CERT1: variants seen among roughly 807,000 people sequenced by gnomAD.
The protein encoded by CERT1 is ceramide transporter 1, also known as ceramide transfer protein.
A neutral mutation model predicts 87.9 loss-of-function variants in CERT1; 31 were observed. That is an observed-to-expected ratio of 0.35 (90% CI 0.27 to 0.48). CERT1 has a LOEUF of 0.48. Ranked by LOEUF, CERT1 falls within the 20% of genes least tolerant of loss-of-function variation. The pLI, the probability that CERT1 is intolerant of heterozygous loss-of-function variation, is 0.99. For missense variants in CERT1, 487 were observed against 758.0 expected, an observed-to-expected ratio of 0.64 and a Z score of 4.20; for synonymous variants, 289 against 250.9, an observed-to-expected ratio of 1.15 and a Z score of -1.44.
At chr5:75,502,172 A>G (rs1373146456) in intron 2 of CERT1, among the ~76,000 whole-genome samples, 2 of 152,168 alleles carry the variant, frequency 1.3e-5, no homozygotes, top group African/African-American at 2.4e-5. Flanking sequence ...AAAAGGAAAA[A>G]GAAATAAAAA....
intron 2 of CERT1, among the ~76,000 whole-genome samples, chr5:75,476,041 A>G (rs984259661): frequency 6.6e-6 from 1 of 152,186 alleles, no homozygotes; most frequent in Admixed American, 6.5e-5. Context: ...TCAATAAAAA[A>G]TCAAGTTTTA....
intron 13 of CERT1, 124 bp from the exon 14 acceptor site, chr5:75,384,836 G>A: frequency 1.6e-6 from 1 of 614,766 alleles, no homozygotes; most frequent in Non-Finnish European, 2.9e-6. Flanking sequence ...GCCCTATCTA[G>A]GTTACATCCA....
chr5:75,506,558 C>T (rs1357268042), intron 1 of CERT1, among the ~76,000 whole-genome samples: 3 of 152,182 alleles, frequency 2.0e-5, no homozygotes, highest in Non-Finnish European at 4.4e-5. Flanking sequence ...TGCATGAAGC[C>T]TTCTAAATCA....
At chr5:75,494,624 C>T (rs1212038859) in intron 2 of CERT1, among the ~76,000 whole-genome samples, 1 of 152,144 alleles carries the variant, frequency 6.6e-6, no homozygotes, top group African/African-American at 2.4e-5. Flanking sequence ...TCTCCACCCC[C>T]AACTCTCCAT....
chr5:75,401,299 C>G (rs1762463277), intron 9 of CERT1: 1 of 152,188 alleles, frequency 6.6e-6, no homozygotes, highest in African/African-American at 2.4e-5. Flanking sequence ...TCAATTCTCT[C>G]AAACCCAACT....
intron 2 of CERT1, among the ~76,000 whole-genome samples, chr5:75,492,234 G>A (rs185874133): frequency 1.3e-5 from 2 of 152,104 alleles, no homozygotes; most frequent in Admixed American, 1.3e-4. Flanking sequence ...AGGTGTGGTG[G>A]TGCACCTGTA....
chr5:75,429,678 C>A (rs1230536116), intron 3 of CERT1, among the ~76,000 whole-genome samples: 2 of 151,976 alleles, frequency 1.3e-5, no homozygotes, highest in Non-Finnish European at 2.9e-5. Context: ...AGCAAGAAGA[C>A]CCTGTCTCTT....
At chr5:75,412,894 A>G (rs1762987915) in intron 7 of CERT1, among the ~76,000 whole-genome samples, 1 of 152,160 alleles carries the variant, frequency 6.6e-6, no homozygotes. Flanking sequence ...GCTACACTAC[A>G]TTTATTTAAA....
At chr5:75,447,502 G>A (rs925255887) in intron 3 of CERT1, among the ~76,000 whole-genome samples, 3 of 145,702 alleles carry the variant, frequency 2.1e-5, no homozygotes, top group Non-Finnish European at 4.5e-5. Flanking sequence ...ACGGAGTTTC[G>A]CTCTGTTGCC....
intron 3 of CERT1, among the ~76,000 whole-genome samples, chr5:75,427,815 T>G (rs1158538463): frequency 6.6e-6 from 1 of 152,182 alleles, no homozygotes; most frequent in African/African-American, 2.4e-5. Flanking sequence ...TCAATTTTTT[T>G]TTAATACTTA....
At chr5:75,493,858 A>G (rs530976855) in intron 2 of CERT1, among the ~76,000 whole-genome samples, 1 of 152,180 alleles carries the variant, frequency 6.6e-6, no homozygotes, top group South Asian at 2.1e-4. Context: ...AAAAAACAAA[A>G]ATCTTTTTCT....
At chr5:75,429,843 GA>G (rs112893256) in intron 3 of CERT1, among the ~76,000 whole-genome samples, 42,063 of 115,374 alleles carry the variant, frequency 0.36, 7,076 homozygotes, top group African/African-American at 0.52. Context: ...AAGAAAAAAT[GA>G]AAAAAAAAAA....
intron 12 of CERT1, among the ~76,000 whole-genome samples, chr5:75,387,761 A>G (rs956799319): frequency 6.6e-6 from 1 of 152,104 alleles, no homozygotes; most frequent in Admixed American, 6.5e-5. Context: ...GAAAAAAAAA[A>G]AAAGATACTT....
intron 5 of CERT1, among the ~76,000 whole-genome samples, chr5:75,420,278 G>A (rs559837114): frequency 3.3e-5 from 5 of 151,818 alleles, no homozygotes; most frequent in Admixed American, 1.3e-4. Context: ...ACACCCAGGC[G>A]AGAGTTCTTA....
At chr5:75,442,426 GC>G (rs1764360466) in intron 3 of CERT1, among the ~76,000 whole-genome samples, 1 of 152,130 alleles carries the variant, frequency 6.6e-6, no homozygotes, top group Non-Finnish European at 1.5e-5. Flanking sequence ...TCATTATGTT[GC>G]CCAGTCTGGT....
chr5:75,428,520 T>C (rs138276445), intron 3 of CERT1, among the ~76,000 whole-genome samples: 2,277 of 152,072 alleles, frequency 0.015, 54 homozygotes, highest in African/African-American at 0.05. Context: ...CTACTAAAAA[T>C]ACACAAAATT....
intron 2 of CERT1, among the ~76,000 whole-genome samples, chr5:75,489,968 T>C (rs1766701767): frequency 6.6e-6 from 1 of 152,252 alleles, no homozygotes; most frequent in Non-Finnish European, 1.5e-5. Flanking sequence ...AATGTTAGAC[T>C]GGATAAAGAA....
intron 3 of CERT1, among the ~76,000 whole-genome samples, chr5:75,450,803 C>T (rs1465535261): frequency 6.6e-6 from 1 of 152,190 alleles, no homozygotes; most frequent in Non-Finnish European, 1.5e-5. Context: ...CCCACCCCTT[C>T]CAAGTTTTCT....
Position 75,511,133 on chromosome 5 carries a change from C to T in CERT1, c.75G>A (p.Glu25=), listed in dbSNP as rs1183592054. 2 of 1,602,482 alleles carry T rather than the reference C, an allele frequency of 1.2e-6. No homozygotes were observed. The highest frequency in any genetic ancestry group is 1.1e-5 in the South Asian group (1 of 89,310). Residue 25 remains glutamate (E), a synonymous_variant, in exon 1 of 17, where the codon GAG becomes GAA. Transcript: ENST00000643780. ...TCACCTTACTGAGGACCCCGCAGCG[C>T]TCCACAGGCGGCCCAGACTCCGTCT... ...DPETESGPPV[E]RCGVLSKWTN...
Sources: gnomAD v4.1 joint callset for allele counts (sites outside exome capture counted in the v4.1 genomes callset) on GRCh38, gnomAD v4.1.1 for gene constraint, MANE v1.5 for transcripts, NCBI Gene and HGNC (gene_info 2026-07-23, HGNC 2026-07-21) for gene names.